ELP4: variants seen among roughly 807,000 people sequenced by gnomAD.
ELP4 encodes the protein elongator complex protein 4.
ELP4 carries 51 observed loss-of-function variants against 48.9 expected under a neutral mutation model. The observed-to-expected ratio is 1.04, with a 90% CI of 0.83 to 1.32. ELP4 has a LOEUF of 1.32. Ranked by LOEUF, ELP4 falls within the 40% of genes most tolerant of loss-of-function variation. The pLI, the probability that ELP4 is intolerant of heterozygous loss-of-function variation, is 0.00. For synonymous variants in ELP4, 210 were observed against 189.2 expected, an observed-to-expected ratio of 1.11 and a Z score of -0.90; for missense variants, 519 against 514.6, an observed-to-expected ratio of 1.01 and a Z score of -0.08.
chr11:31,679,273 G>T (rs1028582341), intron 9 of ELP4, among the ~76,000 whole-genome samples: 1 of 152,032 alleles, frequency 6.6e-6, no homozygotes, highest in African/African-American at 2.4e-5. Flanking sequence ...CCATAATCAA[G>T]ACTATACCAC....
intron 3 of ELP4, among the ~76,000 whole-genome samples, chr11:31,550,887 C>A (rs887419791): frequency 2.0e-5 from 3 of 152,154 alleles, no homozygotes; most frequent in African/African-American, 7.2e-5. Context: ...ATTGTCATGA[C>A]CTTTGCTCTT....
At chr11:31,709,837 C>T (rs897965437) in intron 9 of ELP4, among the ~76,000 whole-genome samples, 5 of 152,068 alleles carry the variant, frequency 3.3e-5, no homozygotes, top group African/African-American at 1.2e-4. Context: ...TTTACAATCA[C>T]AATGTGTCAA....
chr11:31,779,713 C>T (rs928237560), intron 9 of ELP4: 4 of 152,178 alleles, frequency 2.6e-5, no homozygotes, highest in East Asian at 1.9e-4. Context: ...CTCCTTGCAG[C>T]GTTGATCCAG....
chr11:31,622,008 A>G lies in ELP4; in HGVS notation c.654-5102A>G, dbSNP rs150145644. Among the ~76,000 whole-genome samples, 566 of 151,992 alleles carry G rather than the reference A, an allele frequency of 3.7e-3. 2 individuals carry two copies. Among genetic ancestry groups the G allele is most frequent in the African/African-American group, 0.012 (519 of 41,538 alleles). On this transcript the variant is annotated intron_variant, in intron 5 of 9. Coordinates refer to ENST00000640961, the MANE Select transcript of ELP4 (RefSeq NM_019040.5). ...TTAAAATCTCAACCATAAAATGGGG[A>G]GAATGACTATACTTAACCTCACAAG...
intron 2 of ELP4, 126 bp from the exon 3 acceptor site, chr11:31,539,536 T>G (rs1956559757): frequency 1.1e-6 from 1 of 877,038 alleles, no homozygotes. Flanking sequence ...ACGCAGTTTT[T>G]GTTCCACCTC....
intron 3 of ELP4, among the ~76,000 whole-genome samples, chr11:31,548,967 C>T (rs1214480439): frequency 6.6e-6 from 1 of 152,084 alleles, no homozygotes; most frequent in African/African-American, 2.4e-5. Flanking sequence ...CTTCCTTACA[C>T]CTTATACAAA....
At chr11:31,735,679 T>C (rs561874112) in intron 9 of ELP4, among the ~76,000 whole-genome samples, 8 of 152,132 alleles carry the variant, frequency 5.3e-5, no homozygotes, top group Non-Finnish European at 8.8e-5. Flanking sequence ...TATACACCAT[T>C]AACAGACAAA....
chr11:31,534,328 G>T (rs1310662382), intron 2 of ELP4, among the ~76,000 whole-genome samples: 1 of 151,540 alleles, frequency 6.6e-6, no homozygotes, highest in Non-Finnish European at 1.5e-5. Context: ...GAGATATTGG[G>T]GATAAATTCT....
At chr11:31,584,708 A>G (rs187717305) in intron 3 of ELP4, among the ~76,000 whole-genome samples, 43 of 152,144 alleles carry the variant, frequency 2.8e-4, no homozygotes, top group African/African-American at 9.9e-4. Flanking sequence ...TATTTTTACT[A>G]GAGACGGGGT....
At chr11:31,752,833 CAAAAAAA>C (rs35352597) in intron 9 of ELP4, among the ~76,000 whole-genome samples, 27 of 92,754 alleles carry the variant, frequency 2.9e-4, no homozygotes, top group Non-Finnish European at 4.7e-4. Flanking sequence ...GACTCCATCT[CAAAAAAA>C]AAAAAAAAAA....
At chr11:31,517,992 T>C (rs1956147172) in intron 1 of ELP4, among the ~76,000 whole-genome samples, 1 of 152,214 alleles carries the variant, frequency 6.6e-6, no homozygotes. Context: ...AAATTTTAAG[T>C]GAATTTGTGT....
At chr11:31,543,054 T>C (rs796741675) in intron 3 of ELP4, among the ~76,000 whole-genome samples, 30 of 152,118 alleles carry the variant, frequency 2.0e-4, no homozygotes, top group African/African-American at 7.0e-4. Context: ...AAAGAAAAGA[T>C]TAGTAAATTT....
At chr11:31,592,737 A>T (rs1403048692) in intron 3 of ELP4, among the ~76,000 whole-genome samples, 1 of 151,890 alleles carries the variant, frequency 6.6e-6, no homozygotes, top group Non-Finnish European at 1.5e-5. Context: ...TAACATGGTA[A>T]AACGTCTATT....
chr11:31,582,566 T>G (rs533345419), intron 3 of ELP4, among the ~76,000 whole-genome samples: 2 of 152,338 alleles, frequency 1.3e-5, no homozygotes, highest in African/African-American at 4.8e-5. Flanking sequence ...TGGCATTGTT[T>G]TCATTTTCTG....
chr11:31,685,148 C>G lies in ELP4; in HGVS notation c.1143+34927C>G, dbSNP rs193186976. On this transcript the variant is annotated intron_variant, in intron 9 of 9. Coordinates refer to ENST00000640961, the MANE Select transcript of ELP4 (RefSeq NM_019040.5). ...CGGGTGGATCATGAGGTCAGGAGAT[C>G]AAGACCATCCTGGCCAACATGGTGA... 6.6e-5 allele frequency among the ~76,000 whole-genome samples: 10 copies of G among 151,962 alleles called. No homozygotes were observed. In the East Asian group the frequency reaches 1.9e-3, roughly 30 times the overall value.
intron 5 of ELP4, among the ~76,000 whole-genome samples, chr11:31,623,385 AT>A (rs377037714): frequency 0.013 from 1,251 of 99,540 alleles, 84 homozygotes; most frequent in South Asian, 0.038. Context: ...ATATATATAT[AT>A]ATATAAAACT....
chr11:31,732,403 G>T (rs1446230662), intron 9 of ELP4, among the ~76,000 whole-genome samples: 1 of 150,486 alleles, frequency 6.6e-6, no homozygotes, highest in Admixed American at 6.6e-5. Context: ...TAGCCCCATG[G>T]TAACCACAAA....
intron 8 of ELP4, chr11:31,648,786 A>G (rs1047215323): frequency 1.1e-4 from 16 of 151,720 alleles, no homozygotes; most frequent in African/African-American, 3.4e-4. Flanking sequence ...TTGAAAGGCT[A>G]TGATTCTTTG....
intron 9 of ELP4, among the ~76,000 whole-genome samples, chr11:31,665,477 C>T (rs373446754): frequency 1.6e-4 from 25 of 151,982 alleles, no homozygotes; most frequent in East Asian, 7.7e-4. Context: ...TTAGCTTCAC[C>T]GTGTGTTTAA....
Sources: allele counts gnomAD v4.1 joint callset (sites outside exome capture counted in the v4.1 genomes callset), GRCh38; gene constraint gnomAD v4.1.1; transcripts MANE v1.5; gene names NCBI Gene and HGNC (gene_info 2026-07-23, HGNC 2026-07-21).